The following FAM193B variants were observed in gnomAD, a reference collection of about 807,000 sequenced individuals.
FAM193B encodes the protein family with sequence similarity 193 member B, also known as protein FAM193B.
Under a neutral mutation model 70.7 loss-of-function variants are expected in FAM193B, and 27 were observed. The observed-to-expected ratio is 0.38, with a 90% CI of 0.28 to 0.53. The LOEUF (loss-of-function observed/expected upper bound fraction) is 0.53, where lower values mean the gene tolerates loss of function less well. FAM193B is among the 20% of genes least tolerant of loss of function. The pLI is 0.81. For synonymous variants in FAM193B, 448 were observed against 436.0 expected (o/e 1.03, Z -0.34); for missense variants, 1,022 against 1,072.5 (o/e 0.95, Z 0.66).
intron 4 of FAM193B, among the ~76,000 whole-genome samples, chr5:177,534,027 T>C (rs1248379002): frequency 1.3e-5 from 2 of 152,196 alleles, no homozygotes; most frequent in Non-Finnish European, 2.9e-5. Flanking sequence ...GGCTGGGCCA[T>C]GAGCAGCTGA....
chr5:177,522,719 A>G (rs1052641034), intron 7 of FAM193B, among the ~76,000 whole-genome samples: 3 of 152,010 alleles, frequency 2.0e-5, no homozygotes. Context: ...TTATATTTTT[A>G]TTTTTATTTA....
In FAM193B at chr5:177,525,125, G is replaced by A; in HGVS notation, c.1356C>T (p.Ala452=). The stretch of plus-strand genomic sequence containing the variant: ...CGGGCCACTCCAAGAGCCTCTCCCT[G>A]GCAGGCCTTGGCTCCCGGCTTCCAG... ...RVSGSREPRP[A]RERLLEWPDR... Residue 452 remains alanine (A), a synonymous_variant, in exon 6 of 9, where the codon GCC becomes GCT. Transcript: ENST00000514747. 1 of 1,553,556 alleles carries A rather than the reference G, an allele frequency of 6.4e-7. No homozygotes were observed. Among genetic ancestry groups the A allele is most frequent in the Non-Finnish European group, 8.7e-7 (1 of 1,151,598 alleles).
Position 177,536,404 on chromosome 5 carries a change from G to C in FAM193B, c.1030C>G (p.Pro344Ala). The C allele has an allele frequency of 6.2e-7, 1 of 1,608,736 alleles. No homozygotes were observed. Among genetic ancestry groups the C allele is most frequent in the Non-Finnish European group, 8.5e-7 (1 of 1,178,518 alleles). ...TGAGAGCTCGGGGGTGGGAGGAGAG[G>C]CCCACTGCAGTGCCCACCACAGTGC... ...SGHCGGHCSG[P>A]LLPPPSSQPL... The change falls in exon 4 of 9, where the codon CCT becomes GCT. Residue 344 changes from proline to alanine, a missense_variant. Transcript: ENST00000514747.
chr5:177,546,111 C>T (rs567593365), intron 1 of FAM193B, among the ~76,000 whole-genome samples: 2 of 152,362 alleles, frequency 1.3e-5, no homozygotes, highest in Non-Finnish European at 2.9e-5. Context: ...CTCTTCCATT[C>T]ACCCATTTAT....
rs115395089 is a variant in FAM193B, at chr5:177,551,243, T to A, written c.210+3006A>T. On this transcript the variant is annotated intron_variant, in intron 1 of 8. Coordinates refer to ENST00000514747, the MANE Select transcript of FAM193B (RefSeq NM_001190946.3). ...CTAAACACTATTCCCCACTGCCTCCTACAATTGCTTTTTCAGTTGTTCTTT... is the reference window on the plus strand; with the variant it reads ...CTAAACACTATTCCCCACTGCCTCCAACAATTGCTTTTTCAGTTGTTCTTT... 6.7e-5 allele frequency among the ~76,000 whole-genome samples: 10 copies of A among 148,550 alleles called. No individual in the cohort carries two copies. The South Asian group carries it at 8.7e-4, about 13-fold the overall frequency.
At position 177,554,218 on chromosome 5, in the gene FAM193B, G is replaced by A. The variant is rs1236060716; in HGVS notation, c.210+31C>T. Reference sequence around the variant, plus strand: ...CCGCTCGGGGAAGGTGAAAGCGCCCGAGCCGCCGAAGTCTCCCCGCTCGCT... The same window carrying A: ...CCGCTCGGGGAAGGTGAAAGCGCCCAAGCCGCCGAAGTCTCCCCGCTCGCT... On this transcript the variant is annotated intron_variant, in intron 1 of 8. Coordinates refer to ENST00000514747, the MANE Select transcript of FAM193B (RefSeq NM_001190946.3). The A allele has an allele frequency of 2.7e-6, 4 of 1,489,316 alleles. No homozygotes were observed. In the South Asian group the frequency reaches 3.7e-5, roughly 14 times the overall value. The allele number at this position is 1,489,316 out of a possible 1,614,324, so 92.3% of individuals were successfully genotyped here.
Position 177,538,807 on chromosome 5 carries a change from G to T in FAM193B, c.453+98C>A. ...GAAGTCTCTCAGTGCCTGGGCATGG[G>T]AGCTGCCCAAGGAGAGCCACCTGAG... On this transcript the variant is annotated intron_variant, in intron 2 of 8. Transcript: ENST00000514747. This position sits in a 1 kb window ranked among gnomAD's most constrained non-coding sequence, Gnocchi z 4.1. 1.3e-6 allele frequency: 2 copies of T among 1,494,158 alleles called. No homozygotes were observed. The highest frequency in any genetic ancestry group is 1.3e-5 in the South Asian group (1 of 79,814). 92.6% of individuals were successfully genotyped at this position (1,494,158 alleles called of 1,614,324 possible).
chr5:177,552,144 G>A (rs1766340369), intron 1 of FAM193B: 6 of 839,332 alleles, frequency 7.1e-6, no homozygotes, highest in African/African-American at 3.7e-5. Flanking sequence ...GAAAAATGGA[G>A]TAATGATAAT....
chr5:177,553,487 G>A, intron 1 of FAM193B: 1 of 1,109,496 alleles, frequency 9.0e-7, no homozygotes, highest in Middle Eastern at 4.3e-4. Flanking sequence ...AGTGAACTTT[G>A]GCAGGGTACC....
In FAM193B at chr5:177,554,492, C is replaced by CCGCGCCGG; in HGVS notation, c.-35_-34insCCGGCGCG. ...TCGCGCCGCTCCCTCGCTCCACACG[C>CCGCGCCGG]CGCCGCCGCCGCCGCCGCCGCCGCC... On this transcript the variant is annotated 5_prime_UTR_variant, in exon 1 of 9. Transcript: ENST00000514747. 1.6e-6 allele frequency: 1 copy of CCGCGCCGG among 626,948 alleles called. No individual in the cohort carries two copies. The highest frequency in any genetic ancestry group is 1.8e-6 in the Non-Finnish European group (1 of 540,682). 38.8% of individuals were successfully genotyped at this position (626,948 alleles called of 1,614,324 possible).
chr5:177,525,823 C>T (rs548410406), intron 5 of FAM193B, among the ~76,000 whole-genome samples: 2 of 152,384 alleles, frequency 1.3e-5, no homozygotes, highest in Admixed American at 1.3e-4. Flanking sequence ...CTCCTTTGCC[C>T]AGGTGAGGCC....
intron 1 of FAM193B, chr5:177,552,173 G>A (rs1322772221): frequency 3.2e-5 from 22 of 683,816 alleles, no homozygotes; most frequent in Non-Finnish European, 3.8e-5. Flanking sequence ...CCAGTTTGTT[G>A]ATCAATATTT....
chr5:177,536,205 G>T, intron 4 of FAM193B, 153 bp downstream of exon 4: 1 of 865,770 alleles, frequency 1.2e-6, no homozygotes, highest in Non-Finnish European at 1.8e-6. Context: ...GAGCCACTGT[G>T]CCAGGCCAAA....
intron 5 of FAM193B, among the ~76,000 whole-genome samples, chr5:177,526,525 T>A (rs1762625591): frequency 6.6e-6 from 1 of 151,796 alleles, no homozygotes; most frequent in African/African-American, 2.4e-5. Context: ...CAGAAAAGTT[T>A]GGCTGCTAAA....
chr5:177,536,264 T>C (rs1764147536), intron 4 of FAM193B, 94 bp downstream of exon 4: 1 of 1,298,416 alleles, frequency 7.7e-7, no homozygotes, highest in South Asian at 1.3e-5. Context: ...AGACATAGTC[T>C]ACTTTTTAAT....
At position 177,532,370 on chromosome 5, in the gene FAM193B, G is replaced by C. The variant is rs1763609934; in HGVS notation, c.1275+73C>G. On this transcript the variant is annotated intron_variant, in intron 5 of 8. Coordinates refer to ENST00000514747, the MANE Select transcript of FAM193B (RefSeq NM_001190946.3). The surrounding 1 kb of genome is among the most constrained non-coding windows in gnomAD (Gnocchi z 4.9). ...ACCACCGTGAGCAACGGGGTCTCTG[G>C]GGAGAGCAGGGTGCTCCTTTTGCTC... 1 of 1,533,174 alleles carries C rather than the reference G, an allele frequency of 6.5e-7. No individual in the cohort carries two copies. The highest frequency in any genetic ancestry group is 1.4e-5 in the African/African-American group (1 of 71,870). 95.0% of individuals were successfully genotyped at this position (1,533,174 alleles called of 1,614,324 possible).
chr5:177,540,034 C>T (rs546813781), intron 1 of FAM193B, among the ~76,000 whole-genome samples: 1 of 151,954 alleles, frequency 6.6e-6, no homozygotes, highest in African/African-American at 2.4e-5. Flanking sequence ...AGGCCGGGCG[C>T]GGTAGCTCAT....
rs1350564637 is a variant in FAM193B at position 177,554,502 on chromosome 5, C to G, written c.-44G>C. 1 of 811,902 alleles carries G rather than the reference C, an allele frequency of 1.2e-6. No individual in the cohort carries two copies. The highest frequency in any genetic ancestry group is 1.9e-5 in the African/African-American group (1 of 52,118). 50.3% of individuals were successfully genotyped at this position (811,902 alleles called of 1,614,324 possible). A position where few individuals can be genotyped will look rare whatever the true frequency, so the allele number is the denominator to read the frequency against. On this transcript the variant is annotated 5_prime_UTR_variant, in exon 1 of 9. Transcript: ENST00000514747. ...CCCTCGCTCCACACGCCGCCGCCGC[C>G]GCCGCCGCCGCCGCCGCCGCCGCCG...
intron 1 of FAM193B, chr5:177,553,842 G>C (rs1211253652): frequency 1.6e-6 from 2 of 1,280,598 alleles, no homozygotes; most frequent in Admixed American, 4.7e-5. Context: ...GGGGCAGAGG[G>C]AAGAGGCTGC....
Sources: allele counts gnomAD v4.1 joint callset (sites outside exome capture counted in the v4.1 genomes callset), GRCh38; gene constraint gnomAD v4.1.1; non-coding constraint Gnocchi (gnomAD v3.1); transcripts MANE v1.5; gene names NCBI Gene and HGNC (gene_info 2026-07-23, HGNC 2026-07-21).